Variants in SV2B observed in about 807,000 individuals in gnomAD.
The protein encoded by SV2B is solute carrier family 22 member B2.
A neutral mutation model predicts 73.9 loss-of-function variants in SV2B; 41 were observed. The observed-to-expected ratio is 0.56, with a 90% confidence interval of 0.43 to 0.72. The LOEUF is 0.72. SV2B is among the 30% of genes least tolerant of loss of function. The pLI, the probability that SV2B is intolerant of heterozygous loss-of-function variation, is 0.00. For synonymous variants in SV2B, 314 were observed against 314.2 expected, an observed-to-expected ratio of 1.00 and a Z score of 0.01; for missense variants, 764 against 857.8, an observed-to-expected ratio of 0.89 and a Z score of 1.37.
At chr15:91,276,002 G>A (rs62026632) in intron 9 of SV2B, among the ~76,000 whole-genome samples, 14,870 of 151,072 alleles carry the variant, frequency 0.098, 789 homozygotes, top group Non-Finnish European at 0.11. Flanking sequence ...TTTGTCTGAT[G>A]GATCTGTTTC....
At position 91,290,067 on chromosome 15, in the gene SV2B, G is replaced by C. The variant is rs1013008754; in HGVS notation, c.1868+387G>C. ...GGTGGGGGCAAGGAGAGAAATAAAG[G>C]TCGGGAGGCAGCATGAAGTCCAGGG... On this transcript the variant is annotated intron_variant, in intron 12 of 12. Transcript: ENST00000394232. This position sits in a 1 kb window ranked among gnomAD's most constrained non-coding sequence, Gnocchi z 4.7. 1.3e-5 allele frequency among the ~76,000 whole-genome samples: 2 copies of C among 152,206 alleles called. No individual in the cohort carries two copies. Among genetic ancestry groups the C allele is most frequent in the Non-Finnish European group, 2.9e-5 (2 of 68,042 alleles).
At chr15:91,143,662 A>G (rs937580826) in intron 1 of SV2B, among the ~76,000 whole-genome samples, 4 of 151,262 alleles carry the variant, frequency 2.6e-5, no homozygotes, top group African/African-American at 9.7e-5. Context: ...TCATTCTCGA[A>G]CTGTTGTTGG....
rs2151719779 is a variant in SV2B at position 91,106,535 on chromosome 15, G to T, written c.-392+6172G>T. Among the ~76,000 whole-genome samples the T allele has an allele frequency of 6.6e-6, 1 of 152,252 alleles. No homozygotes were observed. The highest frequency in any genetic ancestry group is 3.4e-3 in the Middle Eastern group (1 of 294). On this transcript the variant is annotated intron_variant, in intron 1 of 12. Coordinates refer to ENST00000394232, the MANE Select transcript of SV2B (RefSeq NM_001323032.3). This position sits in a 1 kb window ranked among gnomAD's most constrained non-coding sequence, Gnocchi z 4.4. ...TTCCTTTCTTTACAAGGTCTCATGGGAGCCTTATTGTGGATCTTATGCACT... is the reference window on the plus strand; with the variant it reads ...TTCCTTTCTTTACAAGGTCTCATGGTAGCCTTATTGTGGATCTTATGCACT...
In SV2B at chr15:91,118,761, T is replaced by C. The variant is rs1168883073; in HGVS notation, c.-392+18398T>C. ...GAGCCATGCCAGGGAGGGACATCTC[T>C]CTGTCATCATCATCATAATAGCTCT... is the stretch of plus-strand genomic sequence containing the variant. On this transcript the variant is annotated intron_variant, in intron 1 of 12. Coordinates refer to ENST00000394232, the MANE Select transcript of SV2B (RefSeq NM_001323032.3). This position sits in a 1 kb window ranked among gnomAD's most constrained non-coding sequence, Gnocchi z 4.7. Among the ~76,000 whole-genome samples, 1 of 152,234 alleles carries C rather than the reference T, an allele frequency of 6.6e-6. No individual in the cohort carries two copies. Among genetic ancestry groups the C allele is most frequent in the Non-Finnish European group, 1.5e-5 (1 of 68,050 alleles).
rs575523090 is a variant in SV2B, at chr15:91,129,024, T to C, written c.-392+28661T>C. Reference sequence around the variant, plus strand: ...CTTCCAATTAATCTGCTTTTGTGAGTTGATTTTTTGGTGAAACTTCAGAGG... The same window carrying C: ...CTTCCAATTAATCTGCTTTTGTGAGCTGATTTTTTGGTGAAACTTCAGAGG... On this transcript the variant is annotated intron_variant, in intron 1 of 12. Coordinates refer to ENST00000394232, the MANE Select transcript of SV2B (RefSeq NM_001323032.3). This position sits in a 1 kb window ranked among gnomAD's most constrained non-coding sequence, Gnocchi z 5.1. Among the ~76,000 whole-genome samples, 6 of 152,320 alleles carry C rather than the reference T, an allele frequency of 3.9e-5. No homozygotes were observed. The highest frequency in any genetic ancestry group is 3.3e-4 in the Admixed American group (5 of 15,302).
chr15:91,248,270 G>A (rs1428653911), intron 2 of SV2B, among the ~76,000 whole-genome samples: 3 of 152,088 alleles, frequency 2.0e-5, no homozygotes, highest in East Asian at 1.9e-4. Flanking sequence ...GCAGTGAGCC[G>A]AGATCGTGCC....
Position 91,290,732 on chromosome 15 carries a change from C to A in SV2B, c.1868+1052C>A, listed in dbSNP as rs1229820060. The stretch of plus-strand genomic sequence containing the variant: ...TTACTAAGAGATATAAAAAAAGACA[C>A]ATAAGAGAAGATAAATATATGCCAA... On this transcript the variant is annotated intron_variant, in intron 12 of 12. Transcript: ENST00000394232. This position sits in a 1 kb window ranked among gnomAD's most constrained non-coding sequence, Gnocchi z 4.7. 2.0e-5 allele frequency among the ~76,000 whole-genome samples: 3 copies of A among 152,100 alleles called. No homozygotes were observed. Among genetic ancestry groups the A allele is most frequent in the Admixed American group, 1.3e-4 (2 of 15,268 alleles).
chr15:91,205,402 C>G (rs950081879), intron 1 of SV2B, among the ~76,000 whole-genome samples: 5 of 151,440 alleles, frequency 3.3e-5, no homozygotes, highest in African/African-American at 1.2e-4. Flanking sequence ...GGGTCTCACT[C>G]TGTTGCCCAG....
rs550125437 is a variant in SV2B at position 91,270,957 on chromosome 15, G to A, written c.1373+2352G>A. Among the ~76,000 whole-genome samples the A allele has an allele frequency of 4.0e-5, 6 of 150,622 alleles. No individual in the cohort carries two copies. In the East Asian group the frequency reaches 1.2e-3, roughly 29 times the overall value. On this transcript the variant is annotated intron_variant, in intron 9 of 12. Transcript: ENST00000394232. ...GAGTCCTGTGGACGATGGGAGGACG[G>A]TGAGTCCTGTGGATGATGGGCGGAC...
chr15:91,194,000 T>G (rs975740609), intron 1 of SV2B, among the ~76,000 whole-genome samples: 15 of 151,782 alleles, frequency 9.9e-5, no homozygotes, highest in South Asian at 2.1e-4. Context: ...TAGAGGTTTT[T>G]TTTGTTTGTT....
In SV2B at chr15:91,132,583, A is replaced by C. The variant is rs974312053; in HGVS notation, c.-392+32220A>C. Among the ~76,000 whole-genome samples, 4 of 152,192 alleles carry C rather than the reference A, an allele frequency of 2.6e-5. No homozygotes were observed. Among genetic ancestry groups the C allele is most frequent in the Non-Finnish European group, 2.9e-5 (2 of 68,030 alleles). ...TGCAGAAAAGGTCAAAGGGACCAGT[A>C]GCCTCTGGTCCTTTTGTTACTTAGG... On this transcript the variant is annotated intron_variant, in intron 1 of 12. Coordinates refer to ENST00000394232, the MANE Select transcript of SV2B (RefSeq NM_001323032.3). This position sits in a 1 kb window ranked among gnomAD's most constrained non-coding sequence, Gnocchi z 4.6.
intron 1 of SV2B, among the ~76,000 whole-genome samples, chr15:91,211,832 G>A (rs2045880683): frequency 7.3e-6 from 1 of 137,486 alleles, no homozygotes. Context: ...TTGAGTTGGA[G>A]GTCTCACTGT....
Position 91,280,543 on chromosome 15 carries a change from T to C in SV2B, c.1374-1185T>C, listed in dbSNP as rs2048651828. 6.6e-6 allele frequency among the ~76,000 whole-genome samples: 1 copy of C among 152,252 alleles called. No individual in the cohort carries two copies. The highest frequency in any genetic ancestry group is 1.5e-5 in the Non-Finnish European group (1 of 68,044). ...TAATTATTTGCAAATGAAGACATAT[T>C]TAAAGGCTTCCAGCCTAAAAGTTTG... On this transcript the variant is annotated intron_variant, in intron 9 of 12. Transcript: ENST00000394232. The surrounding 1 kb of genome is among the most constrained non-coding windows in gnomAD (Gnocchi z 5.8).
intron 2 of SV2B, among the ~76,000 whole-genome samples, chr15:91,237,580 G>C (rs2046837090): frequency 6.6e-6 from 1 of 152,214 alleles, no homozygotes; most frequent in African/African-American, 2.4e-5. Flanking sequence ...TTTTTTAATA[G>C]CTCCATAGTG....
At position 91,124,062 on chromosome 15, in the gene SV2B, G is replaced by A. The variant is rs1418055748; in HGVS notation, c.-392+23699G>A. 1.3e-5 allele frequency among the ~76,000 whole-genome samples: 2 copies of A among 152,152 alleles called. No individual in the cohort carries two copies. ...AATACTTTGTCCATGTCACCTTGTT[G>A]CACTCCTCATTATGGGAAAATCATC... On this transcript the variant is annotated intron_variant, in intron 1 of 12. Coordinates refer to ENST00000394232, the MANE Select transcript of SV2B (RefSeq NM_001323032.3). This position sits in a 1 kb window ranked among gnomAD's most constrained non-coding sequence, Gnocchi z 4.6.
intron 1 of SV2B, among the ~76,000 whole-genome samples, chr15:91,218,091 C>A (rs1346516775): frequency 6.6e-6 from 1 of 152,136 alleles, no homozygotes; most frequent in African/African-American, 2.4e-5. Context: ...GAAAAGCACA[C>A]AAATTTATTT....
intron 1 of SV2B, among the ~76,000 whole-genome samples, chr15:91,175,009 G>T (rs937727444): frequency 2.6e-5 from 4 of 152,228 alleles, no homozygotes; most frequent in Non-Finnish European, 5.9e-5. Context: ...CTTTCTATCA[G>T]CCCTGCAGCT....
chr15:91,130,646 G>A lies in SV2B; in HGVS notation c.-392+30283G>A, dbSNP rs2042612780. On this transcript the variant is annotated intron_variant, in intron 1 of 12. Transcript: ENST00000394232. The surrounding 1 kb of genome is among the most constrained non-coding windows in gnomAD (Gnocchi z 5.6). ...AGGGACCAAGAGGAAGCTCCTGCGT[G>A]TCAGTCAGGATGTGGCTTGTGAGTC... Among the ~76,000 whole-genome samples the A allele has an allele frequency of 1.3e-5, 2 of 152,150 alleles. No homozygotes were observed. Among genetic ancestry groups the A allele is most frequent in the Admixed American group, 1.3e-4 (2 of 15,280 alleles).
chr15:91,198,012 G>A (rs1220417931), intron 1 of SV2B, among the ~76,000 whole-genome samples: 1 of 152,174 alleles, frequency 6.6e-6, no homozygotes, highest in African/African-American at 2.4e-5. Flanking sequence ...TACAGCCTGG[G>A]CAACAGAGCG....
Sources: gnomAD v4.1 joint callset for allele counts (sites outside exome capture counted in the v4.1 genomes callset) on GRCh38, gnomAD v4.1.1 for gene constraint, Gnocchi (gnomAD v3.1) non-coding constraint, MANE v1.5 for transcripts, NCBI Gene and HGNC (gene_info 2026-07-23, HGNC 2026-07-21) for gene names.